The following PAQR8 variants were observed in gnomAD, a reference collection of about 807,000 sequenced individuals.
The protein encoded by PAQR8 is membrane progestin receptor beta.
PAQR8 carries 17 observed loss-of-function variants against 25.2 expected under a neutral mutation model. That is an observed-to-expected ratio of 0.67 (90% CI 0.46 to 1.01). The LOEUF is 1.01. PAQR8 is among the 50% of genes least tolerant of loss of function. The pLI is 0.00. For synonymous variants in PAQR8, 204 were observed against 190.6 expected, an observed-to-expected ratio of 1.07 and a Z score of -0.58; for missense variants, 392 against 448.4, an observed-to-expected ratio of 0.87 and a Z score of 1.14.
At chr6:52,401,869 C>T (rs1288592749) in intron 1 of PAQR8, among the ~76,000 whole-genome samples, 1 of 152,122 alleles carries the variant, frequency 6.6e-6, no homozygotes, top group Non-Finnish European at 1.5e-5. Flanking sequence ...TCTTATACTT[C>T]AATATGATAT....
intron 1 of PAQR8, among the ~76,000 whole-genome samples, chr6:52,376,317 A>G (rs1763484880): frequency 6.6e-6 from 1 of 152,160 alleles, no homozygotes; most frequent in Non-Finnish European, 1.5e-5. Flanking sequence ...GGGCTGCTCC[A>G]GGCCTGCCTG....
intron 1 of PAQR8, among the ~76,000 whole-genome samples, chr6:52,401,788 AGTG>A (rs1763833178): frequency 6.6e-6 from 1 of 152,218 alleles, no homozygotes; most frequent in African/African-American, 2.4e-5. Context: ...CAGTGAAATT[AGTG>A]GATAGTTTAA....
intron 1 of PAQR8, among the ~76,000 whole-genome samples, chr6:52,366,184 A>C (rs148881365): frequency 6.6e-6 from 1 of 152,046 alleles, no homozygotes; most frequent in African/African-American, 2.4e-5. Context: ...ATATGTACAT[A>C]TATTAGAAAG....
chr6:52,379,366 C>T (rs1463858402), intron 1 of PAQR8, among the ~76,000 whole-genome samples: 3 of 152,200 alleles, frequency 2.0e-5, no homozygotes, highest in Middle Eastern at 3.4e-3. Context: ...TTCTGGAGAT[C>T]GGTTGCACAA....
chr6:52,368,197 G>A (rs1421714962), intron 1 of PAQR8, among the ~76,000 whole-genome samples: 1 of 152,154 alleles, frequency 6.6e-6, no homozygotes, highest in Non-Finnish European at 1.5e-5. Context: ...TTCAGCAAAC[G>A]GGCAAGTGGA....
chr6:52,372,587 A>C (rs60310591), intron 1 of PAQR8, among the ~76,000 whole-genome samples: 28,545 of 151,956 alleles, frequency 0.19, 3,444 homozygotes, highest in East Asian at 0.33. Flanking sequence ...AGAGTTTTAC[A>C]TGTATTTCTC....
chr6:52,366,479 GGGTAAATA>G lies in PAQR8; in HGVS notation c.-53+4234_-53+4241del, dbSNP rs546566635. ...TATTTTCCTTCAATTTCTCAAAGAAGGGTAAATAGGTGGATCTCTCAATAGTGTTCATA... is the reference window on the plus strand; with the variant it reads ...TATTTTCCTTCAATTTCTCAAAGAAGGGTGGATCTCTCAATAGTGTTCATA... On this transcript the variant is annotated intron_variant, in intron 1 of 1. Transcript: ENST00000442253. Among the ~76,000 whole-genome samples, 47 of 152,290 alleles carry G rather than the reference GGGTAAATA, an allele frequency of 3.1e-4. 1 individual carries two copies. The South Asian group carries it at 9.5e-3, about 31-fold the overall frequency.
At chr6:52,401,834 C>T (rs1254276777) in intron 1 of PAQR8, among the ~76,000 whole-genome samples, 1 of 152,112 alleles carries the variant, frequency 6.6e-6, no homozygotes, top group East Asian at 1.9e-4. Flanking sequence ...TACAGTCTAT[C>T]ATTAGCTATA....
intron 1 of PAQR8, among the ~76,000 whole-genome samples, chr6:52,372,848 C>T (rs980077778): frequency 2.6e-5 from 4 of 151,720 alleles, no homozygotes; most frequent in African/African-American, 4.8e-5. Context: ...AAGGTAAGGA[C>T]CCTTTTATTA....
At chr6:52,370,530 G>A (rs1442817685) in intron 1 of PAQR8, among the ~76,000 whole-genome samples, 1 of 152,112 alleles carries the variant, frequency 6.6e-6, no homozygotes, top group Non-Finnish European at 1.5e-5. Flanking sequence ...TTATAATTGT[G>A]TGTAGGACTC....
At position 52,406,538 on chromosome 6, in the gene PAQR8, G is replaced by A. The variant is rs1035951077; in HGVS notation, c.*2260G>A. 9.7e-6 allele frequency: 4 copies of A among 413,330 alleles called. No individual in the cohort carries two copies. Among genetic ancestry groups the A allele is most frequent in the African/African-American group, 8.2e-5 (4 of 48,608 alleles). The allele number at this position is 413,330 out of a possible 1,614,324, so 25.6% of individuals were successfully genotyped here. A position where few individuals can be genotyped will look rare whatever the true frequency, so the allele number is the denominator to read the frequency against. Reference sequence around the variant, plus strand: ...ACAATTTTAATTTATACAAGTATTGGCCCCTCAAGTGGTTGGAAATTTTTT... The same window carrying A: ...ACAATTTTAATTTATACAAGTATTGACCCCTCAAGTGGTTGGAAATTTTTT... On this transcript the variant is annotated 3_prime_UTR_variant, in exon 2 of 2. Coordinates refer to ENST00000442253, the MANE Select transcript of PAQR8 (RefSeq NM_133367.5).
intron 1 of PAQR8, among the ~76,000 whole-genome samples, chr6:52,397,579 G>T (rs190262222): frequency 6.6e-6 from 1 of 152,104 alleles, no homozygotes; most frequent in South Asian, 2.1e-4. Flanking sequence ...CTTCCTCTGC[G>T]GCCTTTGTAG....
At chr6:52,397,535 C>G (rs1763780812) in intron 1 of PAQR8, among the ~76,000 whole-genome samples, 1 of 152,174 alleles carries the variant, frequency 6.6e-6, no homozygotes, top group South Asian at 2.1e-4. Flanking sequence ...TTTGACTCTT[C>G]TAAGCTTCTT....
intron 1 of PAQR8, among the ~76,000 whole-genome samples, chr6:52,363,227 G>A (rs1210315068): frequency 6.6e-6 from 1 of 152,134 alleles, no homozygotes; most frequent in Admixed American, 6.5e-5. Flanking sequence ...GAGGTAGCCG[G>A]GCACAGCAGC....
At chr6:52,364,455 C>A (rs998537883) in intron 1 of PAQR8, among the ~76,000 whole-genome samples, 2 of 152,122 alleles carry the variant, frequency 1.3e-5, no homozygotes, top group Non-Finnish European at 2.9e-5. Context: ...AATTCTTTAT[C>A]CAAATGTTAA....
chr6:52,405,012 A>C lies in PAQR8; in HGVS notation c.*734A>C, dbSNP rs1763891470. The C allele has an allele frequency of 6.0e-6, 1 of 167,114 alleles. No individual in the cohort carries two copies. Among genetic ancestry groups the C allele is most frequent in the South Asian group, 2.1e-4 (1 of 4,832 alleles). The allele number at this position is 167,114 out of a possible 1,614,324, so 10.4% of individuals were successfully genotyped here. Reference sequence around the variant, plus strand: ...GCTTATTCTCATATAATACTAATCTAAACAGTACTAGAAATTACAGTGCCA... The same window carrying C: ...GCTTATTCTCATATAATACTAATCTCAACAGTACTAGAAATTACAGTGCCA... On this transcript the variant is annotated 3_prime_UTR_variant, in exon 2 of 2. Transcript: ENST00000442253.
At position 52,372,990 on chromosome 6, in the gene PAQR8, T is replaced by C. The variant is rs893904013; in HGVS notation, c.-53+10741T>C. Among the ~76,000 whole-genome samples the C allele has an allele frequency of 2.6e-5, 4 of 152,184 alleles. No individual in the cohort carries two copies. The East Asian group carries it at 7.7e-4, about 29-fold the overall frequency. On this transcript the variant is annotated intron_variant, in intron 1 of 1. Transcript: ENST00000442253. ...CAACTTGTAACTGACGGAGTCAGGA[T>C]TCAAATCCAAGTTGCCTAACTCCAA...
At position 52,406,561 on chromosome 6, in the gene PAQR8, T is replaced by G. The variant is rs1016020990; in HGVS notation, c.*2283T>G. 7.3e-6 allele frequency: 3 copies of G among 413,388 alleles called. No homozygotes were observed. The highest frequency in any genetic ancestry group is 6.2e-5 in the African/African-American group (3 of 48,632). The allele number at this position is 413,388 out of a possible 1,614,324, so 25.6% of individuals were successfully genotyped here. A position where few individuals can be genotyped will look rare whatever the true frequency, so the allele number is the denominator to read the frequency against. ...TGGCCCCTCAAGTGGTTGGAAATTT[T>G]TTTTTTAATCTCTTTTTCTGAGACA... On this transcript the variant is annotated 3_prime_UTR_variant, in exon 2 of 2. Transcript: ENST00000442253.
chr6:52,388,524 A>G (rs898773729), intron 1 of PAQR8, among the ~76,000 whole-genome samples: 5 of 152,190 alleles, frequency 3.3e-5, no homozygotes, highest in African/African-American at 1.2e-4. Context: ...GACCTAGATG[A>G]ATGCCTAGAT....
Sources: gnomAD v4.1 joint callset for allele counts (sites outside exome capture counted in the v4.1 genomes callset) on GRCh38, gnomAD v4.1.1 for gene constraint, MANE v1.5 for transcripts, NCBI Gene and HGNC (gene_info 2026-07-23, HGNC 2026-07-21) for gene names.